Variants in CHCHD6 observed in about 807,000 individuals in gnomAD.
CHCHD6 encodes the protein MICOS complex subunit MIC25.
In CHCHD6, 28 loss-of-function variants were observed where a neutral mutation model predicts 32.3. The observed-to-expected ratio is 0.87, with a 90% CI of 0.64 to 1.19. The LOEUF (loss-of-function observed/expected upper bound fraction) is 1.19, where lower values mean the gene tolerates loss of function less well. Ranked by LOEUF, CHCHD6 falls within the 50% of genes most tolerant of loss-of-function variation. The pLI, the probability that CHCHD6 is intolerant of heterozygous loss-of-function variation, is 0.00. For synonymous variants in CHCHD6, 122 were observed against 117.5 expected (o/e 1.04, Z -0.25); for missense variants, 333 against 307.0 (o/e 1.08, Z -0.63).
At chr3:126,891,167 G>A (rs994388348) in intron 5 of CHCHD6, among the ~76,000 whole-genome samples, 2 of 152,182 alleles carry the variant, frequency 1.3e-5, no homozygotes, top group Admixed American at 6.5e-5. Context: ...ATCAGGTGCC[G>A]GTGGGGTGCT....
At chr3:126,902,024 C>T (rs2077935518) in intron 5 of CHCHD6, among the ~76,000 whole-genome samples, 1 of 152,224 alleles carries the variant, frequency 6.6e-6, no homozygotes, top group Admixed American at 6.5e-5. Context: ...GTAATTCGTC[C>T]TAAGGCATAA....
chr3:126,862,241 C>T (rs1318909057), intron 5 of CHCHD6, among the ~76,000 whole-genome samples: 1 of 114,536 alleles, frequency 8.7e-6, no homozygotes, highest in East Asian at 2.7e-4. Flanking sequence ...TCCTCCATCA[C>T]CACCTCCTCC....
At chr3:126,958,550 G>C (rs1320520861) in intron 7 of CHCHD6, among the ~76,000 whole-genome samples, 2 of 152,202 alleles carry the variant, frequency 1.3e-5, no homozygotes, top group East Asian at 3.9e-4. Context: ...CCCCAGGCCT[G>C]CAAGAGCTTC....
chr3:126,732,640 A>C (rs971438030), intron 3 of CHCHD6, among the ~76,000 whole-genome samples: 5 of 152,254 alleles, frequency 3.3e-5, no homozygotes, highest in Admixed American at 6.5e-5. Flanking sequence ...GGATTATTTT[A>C]CTAGGCAGAA....
chr3:126,789,227 G>T lies in CHCHD6; in HGVS notation c.411+56005G>T, dbSNP rs1938393392. ...TCTGTTCTTTTACATTTGCTGAGGA[G>T]TGCTTTACTTCCAACTATGTGGTCA... On this transcript the variant is annotated intron_variant, in intron 4 of 7. Transcript: ENST00000290913. Among the ~76,000 whole-genome samples, 6 of 152,192 alleles carry T rather than the reference G, an allele frequency of 3.9e-5. No homozygotes were observed. In the South Asian group the frequency reaches 1.2e-3, roughly 32 times the overall value.
intron 5 of CHCHD6, among the ~76,000 whole-genome samples, chr3:126,900,949 C>G (rs1004448340): frequency 1.3e-5 from 2 of 152,096 alleles, no homozygotes; most frequent in African/African-American, 4.8e-5. Context: ...TGACCTCACT[C>G]ATCACCAAGG....
chr3:126,935,400 AG>A (rs2078465426), intron 6 of CHCHD6, among the ~76,000 whole-genome samples: 1 of 152,202 alleles, frequency 6.6e-6, no homozygotes, highest in Non-Finnish European at 1.5e-5. Context: ...CAGAATAACT[AG>A]TCTGGAAGGC....
rs114927311 is a variant in CHCHD6 at position 126,943,730 on chromosome 3, C to T, written c.567-13686C>T. On this transcript the variant is annotated intron_variant, in intron 6 of 7. Coordinates refer to ENST00000290913, the MANE Select transcript of CHCHD6 (RefSeq NM_032343.3). The stretch of plus-strand genomic sequence containing the variant: ...TGTCTGAGAGCTCTTCTTTGCAATA[C>T]TTAGGGTTTACCACGGTGTTCTGTG... Among the ~76,000 whole-genome samples the T allele has an allele frequency of 2.4e-3, 365 of 152,186 alleles. 1 individual carries two copies. Among genetic ancestry groups the T allele is most frequent in the African/African-American group, 8.0e-3 (332 of 41,500 alleles).
At chr3:126,857,592 C>T (rs2107555077) in intron 5 of CHCHD6, among the ~76,000 whole-genome samples, 1 of 152,312 alleles carries the variant, frequency 6.6e-6, no homozygotes, top group South Asian at 2.1e-4. Flanking sequence ...TGGTCTCTGC[C>T]TTGTCCCTTG....
At chr3:126,884,149 T>G (rs2077648619) in intron 5 of CHCHD6, among the ~76,000 whole-genome samples, 1 of 152,210 alleles carries the variant, frequency 6.6e-6, no homozygotes, top group Non-Finnish European at 1.5e-5. Flanking sequence ...GAGTCCTAGT[T>G]CCCGCACTGG....
chr3:126,790,634 A>C (rs926208476), intron 4 of CHCHD6, among the ~76,000 whole-genome samples: 1 of 152,074 alleles, frequency 6.6e-6, no homozygotes, highest in African/African-American at 2.4e-5. Flanking sequence ...AAGCTTGTGC[A>C]TTCGTCATGT....
intron 1 of CHCHD6, among the ~76,000 whole-genome samples, chr3:126,724,220 G>T (rs1300561646): frequency 6.6e-6 from 1 of 152,158 alleles, no homozygotes; most frequent in East Asian, 1.9e-4. Flanking sequence ...TCTCTGAGAA[G>T]CACATGTGTG....
At chr3:126,874,588 A>C (rs753616173) in intron 5 of CHCHD6, among the ~76,000 whole-genome samples, 1 of 152,166 alleles carries the variant, frequency 6.6e-6, no homozygotes, top group Non-Finnish European at 1.5e-5. Context: ...TCACTACCAC[A>C]GCAGAAGACT....
intron 1 of CHCHD6, among the ~76,000 whole-genome samples, chr3:126,715,483 C>A (rs935364244): frequency 1.3e-5 from 2 of 152,182 alleles, no homozygotes; most frequent in African/African-American, 2.4e-5. Flanking sequence ...TTGCTGCCTG[C>A]CTCTGGAGTG....
intron 5 of CHCHD6, among the ~76,000 whole-genome samples, chr3:126,875,856 T>A (rs2077533128): frequency 6.6e-6 from 1 of 152,252 alleles, no homozygotes; most frequent in African/African-American, 2.4e-5. Context: ...TTAGGAATAT[T>A]GCCATGAAAA....
intron 4 of CHCHD6, among the ~76,000 whole-genome samples, chr3:126,752,804 A>T (rs1281935442): frequency 6.6e-6 from 1 of 152,130 alleles, no homozygotes. Flanking sequence ...AAAGTTACTG[A>T]TGGCTTGGCT....
intron 6 of CHCHD6, among the ~76,000 whole-genome samples, chr3:126,922,614 G>C (rs2078266920): frequency 7.7e-6 from 1 of 129,342 alleles, no homozygotes; most frequent in African/African-American, 2.9e-5. Context: ...CTGAATTTCA[G>C]CCCACCACGT....
At chr3:126,945,342 A>G (rs1409889965) in intron 6 of CHCHD6, among the ~76,000 whole-genome samples, 2 of 151,724 alleles carry the variant, frequency 1.3e-5, no homozygotes, top group Non-Finnish European at 2.9e-5. Flanking sequence ...GGGCCAGAGC[A>G]CCCCCACCAT....
intron 5 of CHCHD6, among the ~76,000 whole-genome samples, chr3:126,885,019 C>T (rs115072766): frequency 0.029 from 4,419 of 152,246 alleles, 96 homozygotes; most frequent in Non-Finnish European, 0.039. Flanking sequence ...CCTTAGTGAA[C>T]GCCCCATCTC....
Sources: gnomAD v4.1 joint callset for allele counts (sites outside exome capture counted in the v4.1 genomes callset) on GRCh38, gnomAD v4.1.1 for gene constraint, MANE v1.5 for transcripts, NCBI Gene and HGNC (gene_info 2026-07-23, HGNC 2026-07-21) for gene names.